The following PTH2R variants were observed in gnomAD, a reference collection of about 807,000 sequenced individuals.
PTH2R encodes parathyroid hormone 2 receptor.
Under a neutral mutation model 60.3 loss-of-function variants are expected in PTH2R, and 59 were observed. That is an observed-to-expected ratio of 0.98 (90% CI 0.79 to 1.22). The LOEUF (loss-of-function observed/expected upper bound fraction) is 1.22. Ranked by LOEUF, PTH2R falls within the 50% of genes most tolerant of loss-of-function variation. The pLI is 0.00. For synonymous variants in PTH2R, 256 were observed against 243.8 expected (o/e 1.05, Z -0.47); for missense variants, 749 against 682.6 (o/e 1.10, Z -1.08).
At chr2:208,419,556 T>C (rs561985281) in intron 1 of PTH2R, among the ~76,000 whole-genome samples, 18 of 152,356 alleles carry the variant, frequency 1.2e-4, no homozygotes, top group African/African-American at 4.3e-4. Flanking sequence ...TTTTGGCTTT[T>C]GTTGCCATTG....
chr2:208,359,732 G>A (rs758320764), exon 1 of PTH2R: 1 of 153,514 alleles, frequency 6.5e-6, no homozygotes, highest in Non-Finnish European at 1.5e-5. Flanking sequence ...AGGGACCACA[G>A]GTCCACTACG....
intron 1 of PTH2R, among the ~76,000 whole-genome samples, chr2:208,362,812 C>G (rs1700503055): frequency 6.7e-6 from 1 of 148,982 alleles, no homozygotes; most frequent in Admixed American, 6.9e-5. Flanking sequence ...GTTTCAATTT[C>G]TCTACATCCA....
At position 208,420,694 on chromosome 2, in the gene PTH2R, G is replaced by A. The variant is rs140169439; in HGVS notation, c.76-7507G>A. 7.9e-5 allele frequency among the ~76,000 whole-genome samples: 12 copies of A among 152,226 alleles called. 1 individual carries two copies. The highest frequency in any genetic ancestry group is 3.4e-3 in the Middle Eastern group (1 of 294). On this transcript the variant is annotated intron_variant, in intron 1 of 12. Coordinates refer to ENST00000272847, the MANE Select transcript of PTH2R (RefSeq NM_005048.4). ...AATACAGACACTAAATACCTTTCAC[G>A]TAGTTTCTTTCAATGGTAACATCTT...
chr2:208,435,064 T>C (rs901019698), intron 2 of PTH2R, among the ~76,000 whole-genome samples: 2 of 152,238 alleles, frequency 1.3e-5, no homozygotes, highest in African/African-American at 4.8e-5. Context: ...AAGTATTTGT[T>C]TCTGTGTGAT....
chr2:208,389,268 A>AC (rs1701063559), intron 1 of PTH2R, among the ~76,000 whole-genome samples: 8 of 141,288 alleles, frequency 5.7e-5, no homozygotes, highest in Admixed American at 3.6e-4. Context: ...ACACACACAC[A>AC]ATCTATTGAG....
In PTH2R at chr2:208,493,670, G is replaced by A. The variant is rs1703465436; in HGVS notation, c.*11G>A. On this transcript the variant is annotated 3_prime_UTR_variant, in exon 13 of 13. Coordinates refer to ENST00000272847, the MANE Select transcript of PTH2R (RefSeq NM_005048.4). The stretch of plus-strand genomic sequence containing the variant: ...GAGGATGTTCTCTGAATGGACATTT[G>A]TGGCTGACTTTCATGGGCTGGTCCA... 1 of 1,532,466 alleles carries A rather than the reference G, an allele frequency of 6.5e-7. No individual in the cohort carries two copies. The highest frequency in any genetic ancestry group is 2.0e-5 in the Admixed American group (1 of 50,720). 94.9% of individuals were successfully genotyped at this position (1,532,466 alleles called of 1,614,324 possible). A position where few individuals can be genotyped will look rare whatever the true frequency, so the allele number is the denominator to read the frequency against.
At chr2:208,478,718 T>A (rs185099982) in intron 9 of PTH2R, among the ~76,000 whole-genome samples, 5 of 152,318 alleles carry the variant, frequency 3.3e-5, no homozygotes, top group Admixed American at 3.3e-4. Flanking sequence ...TACTATTAAC[T>A]CAACTCTATT....
chr2:208,462,380 C>G (rs1184114698), intron 9 of PTH2R, among the ~76,000 whole-genome samples: 1 of 152,110 alleles, frequency 6.6e-6, no homozygotes, highest in African/African-American at 2.4e-5. Context: ...CAAGAAGATA[C>G]ACCTCAAGAA....
intron 9 of PTH2R, among the ~76,000 whole-genome samples, chr2:208,468,589 C>T (rs755381070): frequency 6.6e-6 from 1 of 152,164 alleles, no homozygotes; most frequent in Non-Finnish European, 1.5e-5. Context: ...GTGTTTTTCT[C>T]AGGGCTGTTC....
chr2:208,435,533 T>C (rs932512529), intron 2 of PTH2R, among the ~76,000 whole-genome samples: 4 of 152,058 alleles, frequency 2.6e-5, no homozygotes, highest in Non-Finnish European at 4.4e-5. Flanking sequence ...ATTAAACATG[T>C]GAGAAGGACT....
rs115178136 is a variant in PTH2R, at chr2:208,468,373, A to T, written c.981+8412A>T. 7.4e-3 allele frequency among the ~76,000 whole-genome samples: 1,129 copies of T among 152,348 alleles called. 18 individuals are homozygous for T. The highest frequency in any genetic ancestry group is 0.025 in the African/African-American group (1,024 of 41,584). ...TCCGACCAATAACTCTAAATAAGGAAACTGCCCAAGAATACCCAATATTAA... is the reference window on the plus strand; with the variant it reads ...TCCGACCAATAACTCTAAATAAGGATACTGCCCAAGAATACCCAATATTAA... On this transcript the variant is annotated intron_variant, in intron 9 of 12. Transcript: ENST00000272847.
intron 1 of PTH2R, among the ~76,000 whole-genome samples, chr2:208,383,657 A>G (rs1700954136): frequency 6.6e-6 from 1 of 152,248 alleles, no homozygotes; most frequent in African/African-American, 2.4e-5. Flanking sequence ...AAAATAATCT[A>G]GAAATACATT....
chr2:208,474,984 T>G (rs1702968177), intron 9 of PTH2R, among the ~76,000 whole-genome samples: 1 of 152,160 alleles, frequency 6.6e-6, no homozygotes, highest in Non-Finnish European at 1.5e-5. Flanking sequence ...GCTGCTGATG[T>G]GAGTAATGGA....
At chr2:208,408,019 TA>T (rs1402465224) in intron 1 of PTH2R, among the ~76,000 whole-genome samples, 1 of 152,240 alleles carries the variant, frequency 6.6e-6, no homozygotes, top group Non-Finnish European at 1.5e-5. Context: ...TTCAGATGAC[TA>T]GTTTAAATTT....
At chr2:208,438,083 G>A (rs11675277) in intron 4 of PTH2R, among the ~76,000 whole-genome samples, 1 of 152,150 alleles carries the variant, frequency 6.6e-6, no homozygotes, top group African/African-American at 2.4e-5. Context: ...ACCTGGCTGA[G>A]ATACATACAT....
intron 1 of PTH2R, among the ~76,000 whole-genome samples, chr2:208,394,014 G>C (rs1701158962): frequency 6.6e-6 from 1 of 152,186 alleles, no homozygotes; most frequent in Non-Finnish European, 1.5e-5. Flanking sequence ...TATTCCCTGT[G>C]GGCTTGCCTG....
chr2:208,374,052 C>T (rs1259141348), intron 1 of PTH2R, among the ~76,000 whole-genome samples: 2 of 151,374 alleles, frequency 1.3e-5, no homozygotes, highest in African/African-American at 4.9e-5. Flanking sequence ...TAGGAATAGC[C>T]CCACCTTAAA....
At chr2:208,460,089 A>AG in intron 9 of PTH2R, 128 bp downstream of exon 9, 1 of 755,648 alleles carries the variant, frequency 1.3e-6, no homozygotes, top group Non-Finnish European at 2.2e-6. Context: ...AGCAACATCT[A>AG]TTGGGAGAGT....
intron 1 of PTH2R, among the ~76,000 whole-genome samples, chr2:208,378,841 A>G (rs1700859167): frequency 1.3e-5 from 2 of 152,152 alleles, no homozygotes; most frequent in Non-Finnish European, 2.9e-5. Context: ...CACCTGAGTT[A>G]TACATTGGGC....
Sources: gnomAD v4.1 joint callset for allele counts (sites outside exome capture counted in the v4.1 genomes callset) on GRCh38, gnomAD v4.1.1 for gene constraint, MANE v1.5 for transcripts, NCBI Gene and HGNC (gene_info 2026-07-23, HGNC 2026-07-21) for gene names.